FEM1B: variants seen among roughly 807,000 people sequenced by gnomAD.
FEM1B encodes protein fem-1 homolog B.
Under a neutral mutation model 38.6 loss-of-function variants are expected in FEM1B, and 10 were observed. The ratio of observed to expected loss-of-function variants is 0.26; its 90% CI spans 0.16 to 0.44. The LOEUF is 0.44. FEM1B is among the 20% of genes least tolerant of loss of function. The probability of loss-of-function intolerance (pLI) is 1.00; values close to 1 mark genes in which losing one functional copy is unlikely to be tolerated. For missense variants in FEM1B, 471 were observed against 786.7 expected (o/e 0.60, Z 4.80); for synonymous variants, 288 against 288.0 (o/e 1.00, Z 0.00).
In FEM1B at chr15:68,289,250, C is replaced by T. The variant is rs550380569; in HGVS notation, c.249-357C>T. The T allele has an allele frequency of 3.1e-4, 61 of 198,348 alleles. No individual in the cohort carries two copies. Among genetic ancestry groups the T allele is most frequent in the African/African-American group, 1.3e-3 (54 of 42,732 alleles). 12.3% of individuals were successfully genotyped at this position (198,348 alleles called of 1,614,324 possible). A position where few individuals can be genotyped will look rare whatever the true frequency, so the allele number is the denominator to read the frequency against. ...TACTGGGAAGGAGGAACATGCTGTT[C>T]TCCTAGTAACCAGTGAATCAACTTG... On this transcript the variant is annotated intron_variant, in intron 1 of 1. Coordinates refer to ENST00000306917, the MANE Select transcript of FEM1B (RefSeq NM_015322.5). This position sits in a 1 kb window ranked among gnomAD's most constrained non-coding sequence, Gnocchi z 6.9.
rs1356560012 is a variant in FEM1B at position 68,280,547 on chromosome 15, AGAG to A, written c.248+1887_248+1889del. 6.6e-6 allele frequency among the ~76,000 whole-genome samples: 1 copy of A among 152,230 alleles called. No individual in the cohort carries two copies. Among genetic ancestry groups the A allele is most frequent in the Non-Finnish European group, 1.5e-5 (1 of 68,028 alleles). On this transcript the variant is annotated intron_variant, in intron 1 of 1. Transcript: ENST00000306917. The surrounding 1 kb of genome is among the most constrained non-coding windows in gnomAD (Gnocchi z 4.2). ...CGGGGGGAATCTAGAAAGGCTTCAC[AGAG>A]GAGGTGACGTTCGAGCTGTGTTTTA...
chr15:68,279,466 C>T (rs1892703649), intron 1 of FEM1B, among the ~76,000 whole-genome samples: 1 of 152,202 alleles, frequency 6.6e-6, no homozygotes, highest in South Asian at 2.1e-4. Context: ...TCAGGTTTGA[C>T]ATTATCCTCT....
chr15:68,283,502 T>TAAAAAAAAA (rs60432847), intron 1 of FEM1B, among the ~76,000 whole-genome samples: 8 of 71,982 alleles, frequency 1.1e-4, no homozygotes, highest in African/African-American at 5.2e-4. Context: ...CATCTCTACC[T>TAAAAAAAAA]AAAAAAAAAA....
intron 1 of FEM1B, among the ~76,000 whole-genome samples, chr15:68,285,190 A>G (rs1222540412): frequency 6.6e-6 from 1 of 152,052 alleles, no homozygotes; most frequent in Non-Finnish European, 1.5e-5. Flanking sequence ...ATGTACTTGC[A>G]TGTATCAGTA....
chr15:68,287,452 T>C (rs1892801773), intron 1 of FEM1B, among the ~76,000 whole-genome samples: 1 of 152,196 alleles, frequency 6.6e-6, no homozygotes, highest in Non-Finnish European at 1.5e-5. Context: ...AGGTAGCCAC[T>C]GTTACTGAGA....
At chr15:68,287,845 T>TC (rs1299163212) in intron 1 of FEM1B, among the ~76,000 whole-genome samples, 1 of 150,802 alleles carries the variant, frequency 6.6e-6, no homozygotes, top group Non-Finnish European at 1.5e-5. Context: ...TTTTTTTTTT[T>TC]TTTTTTTGAG....
rs1246904839 is a variant in FEM1B at position 68,295,080 on chromosome 15, C to CT, written c.*3838_*3839insT. 2 of 152,146 alleles carry CT rather than the reference C, an allele frequency of 1.3e-5. No individual in the cohort carries two copies. Among genetic ancestry groups the CT allele is most frequent in the Non-Finnish European group, 2.9e-5 (2 of 68,034 alleles). 9.4% of individuals were successfully genotyped at this position (152,146 alleles called of 1,614,324 possible). The stretch of plus-strand genomic sequence containing the variant: ...AATAAGGGATCTGAAATAAATACTA[C>CT]ACTATTGATAGTGGAGATATATTAA... On this transcript the variant is annotated 3_prime_UTR_variant, in exon 2 of 2. Coordinates refer to ENST00000306917, the MANE Select transcript of FEM1B (RefSeq NM_015322.5).
At position 68,278,687 on chromosome 15, in the gene FEM1B, C is replaced by T; in HGVS notation, c.248+22C>T. ...ACGGGTAGGTACATCCCAAGCCAGC[C>T]TCTCTCCGACGCGCGCGGACTCGTT... On this transcript the variant is annotated intron_variant, in intron 1 of 1. Transcript: ENST00000306917. This position sits in a 1 kb window ranked among gnomAD's most constrained non-coding sequence, Gnocchi z 5.7. 6.2e-7 allele frequency: 1 copy of T among 1,611,164 alleles called. No individual in the cohort carries two copies.
rs750666942 is a variant in FEM1B at position 68,294,555 on chromosome 15, T to TA, written c.*3315dup. The TA allele has an allele frequency of 7.9e-5, 12 of 152,124 alleles. No individual in the cohort carries two copies. Among genetic ancestry groups the TA allele is most frequent in the Non-Finnish European group, 1.3e-4 (9 of 67,992 alleles). 9.4% of individuals were successfully genotyped at this position (152,124 alleles called of 1,614,324 possible). On this transcript the variant is annotated 3_prime_UTR_variant, in exon 2 of 2. Coordinates refer to ENST00000306917, the MANE Select transcript of FEM1B (RefSeq NM_015322.5). The surrounding 1 kb of genome is among the most constrained non-coding windows in gnomAD (Gnocchi z 4.4). ...ATAGTTGAGGCAGCTACTTTATGAA[T>TA]AAGACCACTTTGGGTTATTTAAGCA...
At chr15:68,279,671 G>A (rs918431071) in intron 1 of FEM1B, among the ~76,000 whole-genome samples, 22 of 150,000 alleles carry the variant, frequency 1.5e-4, no homozygotes, top group Non-Finnish European at 2.6e-4. Context: ...GCTAAAACTC[G>A]ACTGAAAAAA....
rs1227572036 is a variant in FEM1B, at chr15:68,289,177, G to A, written c.249-430G>A. ...GTGTCTAACACAGCTTTAATGTAGG[G>A]TTGGGGTGGCTTTCATAATTGTCAG... On this transcript the variant is annotated intron_variant, in intron 1 of 1. Transcript: ENST00000306917. The surrounding 1 kb of genome is among the most constrained non-coding windows in gnomAD (Gnocchi z 6.9). The A allele has an allele frequency of 2.3e-5, 4 of 175,980 alleles. No homozygotes were observed. Among genetic ancestry groups the A allele is most frequent in the Non-Finnish European group, 3.7e-5 (3 of 81,502 alleles). The allele number at this position is 175,980 out of a possible 1,614,324, so 10.9% of individuals were successfully genotyped here. A position where few individuals can be genotyped will look rare whatever the true frequency, so the allele number is the denominator to read the frequency against.
chr15:68,286,169 C>G (rs1012861379), intron 1 of FEM1B, among the ~76,000 whole-genome samples: 1 of 150,532 alleles, frequency 6.6e-6, no homozygotes, highest in African/African-American at 2.4e-5. Flanking sequence ...TTCACTGGAG[C>G]CTTTGTCAGA....
rs1011514007 is a variant in FEM1B, at chr15:68,293,361, A to G, written c.*2119A>G. 4 of 152,222 alleles carry G rather than the reference A, an allele frequency of 2.6e-5. No individual in the cohort carries two copies. The highest frequency in any genetic ancestry group is 9.6e-5 in the African/African-American group (4 of 41,458). The allele number at this position is 152,222 out of a possible 1,614,324, so 9.4% of individuals were successfully genotyped here. A position where few individuals can be genotyped will look rare whatever the true frequency, so the allele number is the denominator to read the frequency against. On this transcript the variant is annotated 3_prime_UTR_variant, in exon 2 of 2. Coordinates refer to ENST00000306917, the MANE Select transcript of FEM1B (RefSeq NM_015322.5). The surrounding 1 kb of genome is among the most constrained non-coding windows in gnomAD (Gnocchi z 5.8). ...AATATCAGATAATGTTGCATGTTTT[A>G]AAAACACATTTCATCCCTTTGGCTA...
rs1892893642 is a variant in FEM1B at position 68,295,394 on chromosome 15, G to GT, written c.*4154dup. 6.6e-6 allele frequency: 1 copy of GT among 152,120 alleles called. No individual in the cohort carries two copies. The highest frequency in any genetic ancestry group is 1.5e-5 in the Non-Finnish European group (1 of 68,004). 9.4% of individuals were successfully genotyped at this position (152,120 alleles called of 1,614,324 possible). ...TTGTAAAATTTGTGCATGGCTTTTTGTTGTTGTTGCTTAGTAACTGGTAGA... is the reference window on the plus strand; with the variant it reads ...TTGTAAAATTTGTGCATGGCTTTTTGTTTGTTGTTGCTTAGTAACTGGTAGA... On this transcript the variant is annotated 3_prime_UTR_variant, in exon 2 of 2. Transcript: ENST00000306917.
Position 68,278,764 on chromosome 15 carries a change from G to T in FEM1B, c.248+99G>T. The T allele has an allele frequency of 7.2e-7, 1 of 1,386,616 alleles. No individual in the cohort carries two copies. Among genetic ancestry groups the T allele is most frequent in the Non-Finnish European group, 1.0e-6 (1 of 996,556 alleles). The allele number at this position is 1,386,616 out of a possible 1,614,324, so 85.9% of individuals were successfully genotyped here. A position where few individuals can be genotyped will look rare whatever the true frequency, so the allele number is the denominator to read the frequency against. The stretch of plus-strand genomic sequence containing the variant: ...CCTCTCTTACCCTCTCTTCATGTAG[G>T]TACTCACTTCTCCCCTTTTTGTACC... On this transcript the variant is annotated intron_variant, in intron 1 of 1. Coordinates refer to ENST00000306917, the MANE Select transcript of FEM1B (RefSeq NM_015322.5). The surrounding 1 kb of genome is among the most constrained non-coding windows in gnomAD (Gnocchi z 5.7).
chr15:68,291,516 ATGTTT>A lies in FEM1B; in HGVS notation c.*280_*284del, dbSNP rs79213461. On this transcript the variant is annotated 3_prime_UTR_variant, in exon 2 of 2. Coordinates refer to ENST00000306917, the MANE Select transcript of FEM1B (RefSeq NM_015322.5). This position sits in a 1 kb window ranked among gnomAD's most constrained non-coding sequence, Gnocchi z 6.9. Reference sequence around the variant, plus strand: ...TTTTTTTTAAAGGAACAGATATAAAATGTTTTGTTTATGTAACAAGGGACATTTAT... The same window carrying A: ...TTTTTTTTAAAGGAACAGATATAAAATGTTTATGTAACAAGGGACATTTAT... 0.017 allele frequency: 6,358 copies of A among 374,714 alleles called. 123 individuals carry two copies. The highest frequency in any genetic ancestry group is 0.018 in the Non-Finnish European group (3,742 of 210,454). 23.2% of individuals were successfully genotyped at this position (374,714 alleles called of 1,614,324 possible).
At position 68,295,832 on chromosome 15, in the gene FEM1B, G is replaced by GTGTT. The variant is rs1429877000; in HGVS notation, c.*4594_*4597dup. The GTGTT allele has an allele frequency of 2.0e-5, 3 of 152,042 alleles. No homozygotes were observed. Among genetic ancestry groups the GTGTT allele is most frequent in the Non-Finnish European group, 2.9e-5 (2 of 68,008 alleles). The allele number at this position is 152,042 out of a possible 1,614,324, so 9.4% of individuals were successfully genotyped here. ...TCTTGCTGTGTAAAAGGAAAAAATG[G>GTGTT]TGTTTGTGTTCAGTAAATGTTTGAA... On this transcript the variant is annotated 3_prime_UTR_variant, in exon 2 of 2. Coordinates refer to ENST00000306917, the MANE Select transcript of FEM1B (RefSeq NM_015322.5).
At chr15:68,287,066 T>G (rs572195134) in intron 1 of FEM1B, among the ~76,000 whole-genome samples, 49 of 152,294 alleles carry the variant, frequency 3.2e-4, no homozygotes, top group Non-Finnish European at 6.2e-4. Flanking sequence ...AATTTTTGTA[T>G]TATTGGTAGA....
intron 1 of FEM1B, among the ~76,000 whole-genome samples, chr15:68,286,730 G>C (rs1892791790): frequency 6.6e-6 from 1 of 152,008 alleles, no homozygotes; most frequent in African/African-American, 2.4e-5. Context: ...TGATGCTGTT[G>C]CAAGTGTTAT....
Sources: allele counts gnomAD v4.1 joint callset (sites outside exome capture counted in the v4.1 genomes callset), GRCh38; gene constraint gnomAD v4.1.1; non-coding constraint Gnocchi (gnomAD v3.1); transcripts MANE v1.5; gene names NCBI Gene and HGNC (gene_info 2026-07-23, HGNC 2026-07-21).